The following EPHA6 variants were observed in gnomAD, a reference collection of about 807,000 sequenced individuals.
EPHA6 encodes the protein EPH receptor A6, also known as ephrin type-A receptor 6.
In EPHA6, 50 loss-of-function variants were observed where a neutral mutation model predicts 112.0. The observed-to-expected ratio is 0.45, with a 90% CI of 0.36 to 0.56. EPHA6 has a LOEUF of 0.56. Ranked by LOEUF, EPHA6 falls within the 20% of genes least tolerant of loss-of-function variation. EPHA6 has a pLI of 0.00. For missense variants in EPHA6, 1,280 were observed against 1,417.4 expected (o/e 0.90, Z 1.56); for synonymous variants, 529 against 490.7 (o/e 1.08, Z -1.03).
In EPHA6 at chr3:96,981,009, G is replaced by A. The variant is rs564138263; in HGVS notation, c.451-6321G>A. Among the ~76,000 whole-genome samples, 392 of 152,270 alleles carry A rather than the reference G, an allele frequency of 2.6e-3. 1 individual carries two copies. Among genetic ancestry groups the A allele is most frequent in the African/African-American group, 9.0e-3 (372 of 41,554 alleles). ...TGTCATCTGCAAACAGGGACAATTT[G>A]ACTTCCTCTTTTCCTAATTGAATAC... On this transcript the variant is annotated intron_variant, in intron 2 of 17. Transcript: ENST00000389672.
At chr3:96,819,414 C>G (rs1425417245) in intron 1 of EPHA6, among the ~76,000 whole-genome samples, 1 of 151,804 alleles carries the variant, frequency 6.6e-6, no homozygotes, top group East Asian at 1.9e-4. Context: ...ACCCTTTTTC[C>G]CTATCACAAT....
chr3:97,253,961 A>G (rs1345773630), intron 5 of EPHA6, among the ~76,000 whole-genome samples: 2 of 152,004 alleles, frequency 1.3e-5, no homozygotes, highest in East Asian at 3.8e-4. Flanking sequence ...GATCAGCTCT[A>G]GATAGGGATT....
intron 14 of EPHA6, among the ~76,000 whole-genome samples, chr3:97,707,287 A>G (rs1209844576): frequency 2.0e-5 from 3 of 152,228 alleles, no homozygotes; most frequent in Admixed American, 6.5e-5. Context: ...ACTGTGAAGT[A>G]GCATTTAGTA....
rs1559647813 is a variant in EPHA6, at chr3:96,987,523, G to T, written c.644G>T (p.Cys215Phe). ...AGCATCCCATGGGTCTTGGGGACTT[G>T]CAAAGAAACATTTAATCTGTTTTAT... ...CNSIPWVLGT[C>F]KETFNLFYME... Residue 215 changes from cysteine to phenylalanine, a missense_variant, in exon 3 of 18, where the codon TGC becomes TTC. Coordinates refer to ENST00000389672, the MANE Select transcript of EPHA6 (RefSeq NM_001080448.3). 6.2e-7 allele frequency: 1 copy of T among 1,613,768 alleles called. No individual in the cohort carries two copies. The highest frequency in any genetic ancestry group is 8.5e-7 in the Non-Finnish European group (1 of 1,179,852).
intron 5 of EPHA6, among the ~76,000 whole-genome samples, chr3:97,403,908 T>G (rs1292738700): frequency 6.6e-6 from 1 of 152,206 alleles, no homozygotes; most frequent in Non-Finnish European, 1.5e-5. Context: ...TTCTTAGGTT[T>G]ATCCTTACAG....
At chr3:97,679,458 G>A (rs74381148) in intron 14 of EPHA6, among the ~76,000 whole-genome samples, 12,823 of 152,116 alleles carry the variant, frequency 0.084, 856 homozygotes, top group African/African-American at 0.19. Context: ...GTACTGCTAG[G>A]CATGAAAACA....
chr3:97,647,994 G>A (rs2107599778), intron 14 of EPHA6, among the ~76,000 whole-genome samples: 1 of 152,136 alleles, frequency 6.6e-6, no homozygotes, highest in South Asian at 2.1e-4. Flanking sequence ...TAAATGTTCA[G>A]ATTTTTAAAA....
intron 8 of EPHA6, 55 bp from the exon 9 acceptor site, chr3:97,479,239 C>T (rs2091460548): frequency 9.1e-7 from 1 of 1,098,218 alleles, no homozygotes; most frequent in Admixed American, 2.8e-5. Context: ...ATTGGTTTTG[C>T]ATTGTATGCA....
At chr3:97,293,212 T>A (rs914323145) in intron 5 of EPHA6, among the ~76,000 whole-genome samples, 3 of 152,054 alleles carry the variant, frequency 2.0e-5, no homozygotes, top group Non-Finnish European at 4.4e-5. Context: ...AGGTAGCTCC[T>A]TTTCAAAGGC....
chr3:97,187,690 AAAGAAAGAAAG>A (rs1291838145), intron 3 of EPHA6, among the ~76,000 whole-genome samples: 1 of 62,970 alleles, frequency 1.6e-5, no homozygotes, highest in Admixed American at 1.5e-4. Flanking sequence ...AGAAAGAAGG[AAAGAAAGAAAG>A]AAAGAAAGAA....
At chr3:97,373,307 A>T (rs1446006663) in intron 5 of EPHA6, among the ~76,000 whole-genome samples, 4 of 152,088 alleles carry the variant, frequency 2.6e-5, no homozygotes, top group Admixed American at 6.6e-5. Flanking sequence ...TAAAATTATC[A>T]TGTATATGAT....
At chr3:97,658,962 T>C (rs371456894) in intron 14 of EPHA6, among the ~76,000 whole-genome samples, 20 of 151,952 alleles carry the variant, frequency 1.3e-4, no homozygotes, top group African/African-American at 4.6e-4. Flanking sequence ...TTTCTTAGTT[T>C]AATATTGCCT....
chr3:97,375,484 G>T (rs1360320191), intron 5 of EPHA6, among the ~76,000 whole-genome samples: 1 of 152,058 alleles, frequency 6.6e-6, no homozygotes, highest in Non-Finnish European at 1.5e-5. Flanking sequence ...CAGTTATATT[G>T]TATAAAGTGA....
chr3:97,021,979 A>G (rs922321485), intron 3 of EPHA6, among the ~76,000 whole-genome samples: 2 of 152,212 alleles, frequency 1.3e-5, no homozygotes, highest in Non-Finnish European at 2.9e-5. Context: ...GTAACTCTAC[A>G]GGACATGTCT....
At chr3:97,399,402 A>G (rs1041442318) in intron 5 of EPHA6, among the ~76,000 whole-genome samples, 14 of 151,526 alleles carry the variant, frequency 9.2e-5, no homozygotes, top group Non-Finnish European at 1.6e-4. Context: ...TGCAATAAAC[A>G]TGATGTGGGG....
At chr3:97,180,486 T>C (rs1326987714) in intron 3 of EPHA6, among the ~76,000 whole-genome samples, 1 of 152,130 alleles carries the variant, frequency 6.6e-6, no homozygotes, top group Non-Finnish European at 1.5e-5. Context: ...ACTTGTTATG[T>C]GCTCAGTCTC....
At chr3:97,020,412 A>G (rs1276229030) in intron 3 of EPHA6, among the ~76,000 whole-genome samples, 1 of 152,212 alleles carries the variant, frequency 6.6e-6, no homozygotes, top group African/African-American at 2.4e-5. Flanking sequence ...GACAAGTAAG[A>G]AAAATAATAT....
intron 5 of EPHA6, among the ~76,000 whole-genome samples, chr3:97,290,399 G>T (rs1054859195): frequency 2.0e-5 from 3 of 152,134 alleles, no homozygotes; most frequent in Non-Finnish European, 4.4e-5. Context: ...CAAGTGAGAA[G>T]AATGTATAGT....
chr3:97,155,390 A>G (rs987765995), intron 3 of EPHA6, among the ~76,000 whole-genome samples: 3 of 152,302 alleles, frequency 2.0e-5, no homozygotes, highest in South Asian at 2.1e-4. Context: ...TGCTCTTCCC[A>G]AATACCTGAA....
Sources: gnomAD v4.1 joint callset for allele counts (sites outside exome capture counted in the v4.1 genomes callset) on GRCh38, gnomAD v4.1.1 for gene constraint, MANE v1.5 for transcripts, NCBI Gene and HGNC (gene_info 2026-07-23, HGNC 2026-07-21) for gene names.